Variants in DENND1A observed in about 807,000 individuals in gnomAD.
The protein encoded by DENND1A is DENN domain containing 1A, also known as DENN domain-containing protein 1A.
In DENND1A, 51 loss-of-function variants were observed where a neutral mutation model predicts 113.7. The observed-to-expected ratio is 0.45, with a 90% confidence interval of 0.36 to 0.57. DENND1A has a LOEUF of 0.57. DENND1A is among the 20% of genes least tolerant of loss of function. The probability of loss-of-function intolerance (pLI) is 0.00; values close to 1 mark genes in which losing one functional copy is unlikely to be tolerated. For missense variants in DENND1A, 1,258 were observed against 1,395.9 expected, an observed-to-expected ratio of 0.90 and a Z score of 1.57; for synonymous variants, 565 against 570.8, an observed-to-expected ratio of 0.99 and a Z score of 0.14.
intron 13 of DENND1A, among the ~76,000 whole-genome samples, chr9:123,472,439 C>A (rs941167889): frequency 7.9e-5 from 12 of 152,188 alleles, no homozygotes; most frequent in African/African-American, 2.9e-4. Flanking sequence ...GCTGGTTCCC[C>A]TCTTCCTCAT....
intron 1 of DENND1A, among the ~76,000 whole-genome samples, chr9:123,881,847 G>C (rs1258562549): frequency 6.6e-6 from 1 of 152,116 alleles, no homozygotes; most frequent in East Asian, 1.9e-4. Context: ...CTTGGTCAAG[G>C]TAACCACAGA....
intron 2 of DENND1A, among the ~76,000 whole-genome samples, chr9:123,854,939 T>C (rs1035365010): frequency 2.0e-5 from 3 of 150,974 alleles, no homozygotes; most frequent in African/African-American, 5.0e-5. Flanking sequence ...ATCCTTCATA[T>C]ACTCTAAATC....
chr9:123,467,571 C>T (rs2049058365), intron 13 of DENND1A, among the ~76,000 whole-genome samples: 1 of 152,166 alleles, frequency 6.6e-6, no homozygotes, highest in Non-Finnish European at 1.5e-5. Context: ...AGGAGAATCG[C>T]TTGAAATCAG....
At chr9:123,430,458 A>G (rs571949700) in intron 19 of DENND1A, among the ~76,000 whole-genome samples, 2 of 152,350 alleles carry the variant, frequency 1.3e-5, no homozygotes, top group South Asian at 4.1e-4. Context: ...TAGACTGAAA[A>G]AAGAAAATGT....
chr9:123,620,991 C>T (rs1208130402), intron 10 of DENND1A, among the ~76,000 whole-genome samples: 1 of 152,150 alleles, frequency 6.6e-6, no homozygotes. Flanking sequence ...TATTCATAAG[C>T]ACTTGCTGCA....
chr9:123,928,290 C>T (rs1857439030), intron 1 of DENND1A, among the ~76,000 whole-genome samples: 1 of 152,208 alleles, frequency 6.6e-6, no homozygotes, highest in Admixed American at 6.5e-5. Flanking sequence ...CTCACTGCTT[C>T]ATGTCAGGCA....
intron 2 of DENND1A, among the ~76,000 whole-genome samples, chr9:123,812,191 T>C (rs568982971): frequency 6.6e-6 from 1 of 152,364 alleles, no homozygotes; most frequent in East Asian, 1.9e-4. Context: ...AGAGTTGTTT[T>C]GTATTTTTAA....
chr9:123,535,762 C>G (rs546806913), intron 13 of DENND1A, among the ~76,000 whole-genome samples: 1 of 152,214 alleles, frequency 6.6e-6, no homozygotes, highest in Admixed American at 6.5e-5. Context: ...GGCTTTGCTA[C>G]CCCTTTACAG....
intron 3 of DENND1A, among the ~76,000 whole-genome samples, chr9:123,782,556 G>C (rs1254775456): frequency 1.3e-5 from 2 of 152,188 alleles, no homozygotes; most frequent in Admixed American, 1.3e-4. Context: ...CACGAAGCCG[G>C]CAAGAATCTC....
At chr9:123,557,381 C>T (rs955904590) in intron 13 of DENND1A, among the ~76,000 whole-genome samples, 189 bp downstream of exon 13, 4 of 152,294 alleles carry the variant, frequency 2.6e-5, no homozygotes, top group Admixed American at 6.5e-5. Flanking sequence ...GGGTCTCACA[C>T]ATGATAGCAC....
At chr9:123,623,807 C>T (rs2061067282) in intron 10 of DENND1A, among the ~76,000 whole-genome samples, 3 of 152,186 alleles carry the variant, frequency 2.0e-5, no homozygotes, top group Admixed American at 1.3e-4. Flanking sequence ...TGCAATACAG[C>T]TTCTGGGGTT....
At position 123,457,934 on chromosome 9, in the gene DENND1A, C is replaced by T. The variant is rs185556687; in HGVS notation, c.994-37G>A. 48 of 1,511,844 alleles carry T rather than the reference C, an allele frequency of 3.2e-5. No homozygotes were observed. In the East Asian group the frequency reaches 5.4e-4, roughly 17 times the overall value. The allele number at this position is 1,511,844 out of a possible 1,614,324, so 93.7% of individuals were successfully genotyped here. A position where few individuals can be genotyped will look rare whatever the true frequency, so the allele number is the denominator to read the frequency against. On this transcript the variant is annotated intron_variant, in intron 13 of 23. Transcript: ENST00000394215. ...AGAGGGGAGAGGTGGGTCAGTGGCACGGAGCAAGAGCCATCAGTTTTGAAA... is the reference window on the plus strand; with the variant it reads ...AGAGGGGAGAGGTGGGTCAGTGGCATGGAGCAAGAGCCATCAGTTTTGAAA...
At chr9:123,509,268 A>T (rs1032099032) in intron 13 of DENND1A, among the ~76,000 whole-genome samples, 4 of 152,256 alleles carry the variant, frequency 2.6e-5, no homozygotes, top group Admixed American at 2.0e-4. Context: ...AAGACTTCGC[A>T]GAAGACGTTC....
At chr9:123,572,358 G>A (rs530683747) in intron 12 of DENND1A, among the ~76,000 whole-genome samples, 1 of 152,126 alleles carries the variant, frequency 6.6e-6, no homozygotes, top group Non-Finnish European at 1.5e-5. Flanking sequence ...GTTGGGGGAC[G>A]TCTGTATTGT....
chr9:123,794,194 C>T (rs929666924), intron 2 of DENND1A, among the ~76,000 whole-genome samples: 3 of 152,112 alleles, frequency 2.0e-5, no homozygotes, highest in Admixed American at 6.5e-5. Flanking sequence ...ACTAGGCTGG[C>T]GGAGAAGAAT....
chr9:123,719,924 A>G (rs2067227668), intron 5 of DENND1A, among the ~76,000 whole-genome samples: 1 of 152,204 alleles, frequency 6.6e-6, no homozygotes, highest in Non-Finnish European at 1.5e-5. Context: ...GAATTTTCAG[A>G]TAAGGGATGC....
chr9:123,479,427 C>A (rs1312669492), intron 13 of DENND1A, among the ~76,000 whole-genome samples: 1 of 152,216 alleles, frequency 6.6e-6, no homozygotes, highest in South Asian at 2.1e-4. Context: ...TGTTGAAATT[C>A]TTTTCATTTG....
intron 18 of DENND1A, among the ~76,000 whole-genome samples, chr9:123,446,308 A>C (rs1397851978): frequency 6.6e-6 from 1 of 152,224 alleles, no homozygotes; most frequent in Non-Finnish European, 1.5e-5. Flanking sequence ...CCAAAGTTGG[A>C]ATTTCTGTGA....
At chr9:123,738,457 G>A (rs895435275) in intron 5 of DENND1A, among the ~76,000 whole-genome samples, 1 of 150,774 alleles carries the variant, frequency 6.6e-6, no homozygotes, top group Non-Finnish European at 1.5e-5. Flanking sequence ...GTGTGTGTGT[G>A]TGTGTGTGTG....
Sources: gnomAD v4.1 joint callset for allele counts (sites outside exome capture counted in the v4.1 genomes callset) on GRCh38, gnomAD v4.1.1 for gene constraint, MANE v1.5 for transcripts, NCBI Gene and HGNC (gene_info 2026-07-23, HGNC 2026-07-21) for gene names.